SUN3: variants seen among roughly 807,000 people sequenced by gnomAD.
The protein encoded by SUN3 is SUN domain-containing protein 3.
SUN3 carries 36 observed loss-of-function variants against 48.2 expected under a neutral mutation model. The ratio of observed to expected loss-of-function variants is 0.75; its 90% CI spans 0.57 to 0.99. The LOEUF is 0.99. Ranked by LOEUF, SUN3 falls within the 50% of genes least tolerant of loss-of-function variation. SUN3 has a pLI of 0.00. For missense variants in SUN3, 419 were observed against 433.1 expected, an observed-to-expected ratio of 0.97 and a Z score of 0.29; for synonymous variants, 148 against 147.9, an observed-to-expected ratio of 1.00 and a Z score of 0.00.
intron 6 of SUN3, among the ~76,000 whole-genome samples, chr7:48,004,641 C>T (rs951980352): frequency 2.6e-5 from 4 of 152,224 alleles, no homozygotes; most frequent in Non-Finnish European, 5.9e-5. Context: ...GGCTTTCTGC[C>T]CACACTCTCT....
rs1373699783 is a variant in SUN3 at position 48,007,365 on chromosome 7, G to A, written c.330-38C>T. 5 of 1,594,932 alleles carry A rather than the reference G, an allele frequency of 3.1e-6. No individual in the cohort carries two copies. In the African/African-American group the frequency reaches 4.0e-5, roughly 13 times the overall value. ...AATCTCAGCATGAGAGGAAGAAAGTGTAAAGCTCCTGTTATCAGCTGTTGC... is the reference window on the plus strand; with the variant it reads ...AATCTCAGCATGAGAGGAAGAAAGTATAAAGCTCCTGTTATCAGCTGTTGC... On this transcript the variant is annotated intron_variant, in intron 4 of 9. Coordinates refer to ENST00000297325, the MANE Select transcript of SUN3 (RefSeq NM_001030019.2).
intron 6 of SUN3, among the ~76,000 whole-genome samples, chr7:47,997,799 C>T (rs923425477): frequency 6.6e-6 from 1 of 152,200 alleles, no homozygotes; most frequent in Non-Finnish European, 1.5e-5. Flanking sequence ...ATTACCTATT[C>T]TGGACATTTC....
chr7:48,025,251 G>A (rs1204655678), intron 2 of SUN3, among the ~76,000 whole-genome samples: 2 of 152,278 alleles, frequency 1.3e-5, no homozygotes, highest in Admixed American at 1.3e-4. Context: ...ACTGACACAT[G>A]ATAGGATATG....
At chr7:48,005,171 AAAAC>A (rs1216065468) in intron 6 of SUN3, among the ~76,000 whole-genome samples, 1 of 152,238 alleles carries the variant, frequency 6.6e-6, no homozygotes, top group Admixed American at 6.5e-5. Flanking sequence ...TGCCAAGACC[AAAAC>A]AAACAAACAA....
In SUN3 at chr7:48,006,057, T is replaced by G. The variant is rs754638749; in HGVS notation, c.493-4A>C. ...AATTGACCAAGTTTGACACTTCCTG[T>G]AGAAATTTTATAAACAGTTTTCTGT... On this transcript the variant is annotated splice_region_variant and splice_polypyrimidine_tract_variant and intron_variant, in intron 5 of 9. Coordinates refer to ENST00000297325, the MANE Select transcript of SUN3 (RefSeq NM_001030019.2). 1.9e-6 allele frequency: 3 copies of G among 1,574,056 alleles called. No individual in the cohort carries two copies. In the South Asian group the frequency reaches 3.5e-5, roughly 18 times the overall value.
intron 2 of SUN3, among the ~76,000 whole-genome samples, chr7:48,023,070 C>A (rs1426042373): frequency 6.6e-6 from 1 of 152,072 alleles, no homozygotes; most frequent in Non-Finnish European, 1.5e-5. Flanking sequence ...ATGAAGCAAT[C>A]AAAATCTCCA....
At chr7:47,997,690 C>T (rs1349168066) in intron 6 of SUN3, among the ~76,000 whole-genome samples, 1 of 152,158 alleles carries the variant, frequency 6.6e-6, no homozygotes, top group Non-Finnish European at 1.5e-5. Flanking sequence ...ATTTAGTCAA[C>T]CCCAAAAGGA....
intron 1 of SUN3, among the ~76,000 whole-genome samples, chr7:48,027,097 G>A (rs920989291): frequency 6.6e-6 from 1 of 152,168 alleles, no homozygotes; most frequent in African/African-American, 2.4e-5. Flanking sequence ...ACCCATGTGG[G>A]TATGGGCTCT....
chr7:48,005,878 G>C, intron 6 of SUN3, 91 bp downstream of exon 6: 1 of 624,022 alleles, frequency 1.6e-6, no homozygotes, highest in South Asian at 2.7e-5. Context: ...AGATAAATAT[G>C]TTTTCCTCAT....
chr7:47,996,574 G>A (rs1789218438), intron 6 of SUN3, among the ~76,000 whole-genome samples: 1 of 152,106 alleles, frequency 6.6e-6, no homozygotes, highest in Non-Finnish European at 1.5e-5. Context: ...TACATTTGTA[G>A]CAATTATGCA....
chr7:48,003,086 A>G (rs918734876), intron 6 of SUN3, among the ~76,000 whole-genome samples: 2 of 151,744 alleles, frequency 1.3e-5, no homozygotes, highest in African/African-American at 4.8e-5. Context: ...TTTCAAGTTA[A>G]TTTTTGTATA....
intron 8 of SUN3, among the ~76,000 whole-genome samples, chr7:47,990,042 T>C (rs1306385899): frequency 6.6e-6 from 1 of 152,212 alleles, no homozygotes; most frequent in African/African-American, 2.4e-5. Flanking sequence ...GTCTGAAATA[T>C]GGCCTCACGG....
chr7:48,026,016 C>CA (rs1256021893), intron 1 of SUN3, 78 bp from the exon 2 acceptor site: 6 of 913,598 alleles, frequency 6.6e-6, no homozygotes, highest in Non-Finnish European at 1.0e-5. Context: ...CCACTACACT[C>CA]ACGTCAACAA....
upstream of SUN3, chr7:48,029,156 C>A (rs1790219538): frequency 8.7e-6 from 5 of 573,822 alleles, no homozygotes; most frequent in South Asian, 4.3e-5. Context: ...TGCAGATGGC[C>A]ACCACGCCCA....
intron 6 of SUN3, among the ~76,000 whole-genome samples, chr7:47,997,063 G>A (rs1789234410): frequency 6.6e-6 from 1 of 152,090 alleles, no homozygotes; most frequent in Non-Finnish European, 1.5e-5. Flanking sequence ...GCCTCCCAAA[G>A]TGCTGGGATT....
intron 8 of SUN3, chr7:47,990,922 G>T: frequency 2.5e-6 from 1 of 398,082 alleles, no homozygotes; most frequent in Non-Finnish European, 4.7e-6. Context: ...AACACAAAGC[G>T]GAGCAACAGA....
intron 2 of SUN3, among the ~76,000 whole-genome samples, chr7:48,024,996 T>C (rs1011159045): frequency 1.3e-5 from 2 of 152,072 alleles, no homozygotes; most frequent in African/African-American, 2.4e-5. Context: ...GAATGTAAAA[T>C]AGTGCAGCCA....
chr7:48,008,889 T>G, intron 4 of SUN3, 146 bp downstream of exon 4: 2 of 683,924 alleles, frequency 2.9e-6, no homozygotes, highest in South Asian at 4.0e-5. Context: ...AATGATATCA[T>G]TAAATATTAA....
chr7:48,025,945 G>T lies in SUN3; in HGVS notation c.123-7C>A, dbSNP rs377352244. 15 of 1,578,696 alleles carry T rather than the reference G, an allele frequency of 9.5e-6. No individual in the cohort carries two copies. In the Admixed American group the frequency reaches 1.2e-4, roughly 13 times the overall value. ...CTTCCATGATCGAGTTACCCTAAAAGAATAAAAACAATGATTAGAAAAAGA... is the reference window on the plus strand; with the variant it reads ...CTTCCATGATCGAGTTACCCTAAAATAATAAAAACAATGATTAGAAAAAGA... On this transcript the variant is annotated splice_region_variant and splice_polypyrimidine_tract_variant and intron_variant, in intron 1 of 9. Coordinates refer to ENST00000297325, the MANE Select transcript of SUN3 (RefSeq NM_001030019.2).
Sources: allele counts gnomAD v4.1 joint callset (sites outside exome capture counted in the v4.1 genomes callset), GRCh38; gene constraint gnomAD v4.1.1; transcripts MANE v1.5; gene names NCBI Gene and HGNC (gene_info 2026-07-23, HGNC 2026-07-21).